Variants in PLXND1 observed in about 807,000 individuals in gnomAD.
PLXND1 encodes plexin-D1.
A neutral mutation model predicts 197.7 loss-of-function variants in PLXND1; 54 were observed. The observed-to-expected ratio is 0.27, with a 90% CI of 0.22 to 0.34. PLXND1 has a LOEUF of 0.34. Among genes scored for constraint, PLXND1 ranks in the 10% least tolerant of loss-of-function variants. The pLI, the probability that PLXND1 is intolerant of heterozygous loss-of-function variation, is 1.00. For missense variants in PLXND1, 2,127 were observed against 2,699.2 expected (o/e 0.79, Z 4.70); for synonymous variants, 1,180 against 1,161.2 (o/e 1.02, Z -0.33).
chr3:129,592,348 T>C (rs1025043954), intron 1 of PLXND1, among the ~76,000 whole-genome samples: 3 of 152,234 alleles, frequency 2.0e-5, no homozygotes, highest in Non-Finnish European at 4.4e-5. Context: ...ACTAAGTAAC[T>C]TTTTTCACTG....
chr3:129,565,422 T>C lies in PLXND1; in HGVS notation c.4439A>G (p.Lys1480Arg). 1 of 1,614,080 alleles carries C rather than the reference T, an allele frequency of 6.2e-7. No homozygotes were observed. Among genetic ancestry groups the C allele is most frequent in the Non-Finnish European group, 8.5e-7 (1 of 1,180,012 alleles). ...LIDASAAKNP[K>R]LMLRRTESVV... Reference sequence around the variant, plus strand: ...AGACTCTGTGCGCCGCAGCATGAGCTTGGGGTTCTTGGCGGCCGAGGCGTC... The same window carrying C: ...AGACTCTGTGCGCCGCAGCATGAGCCTGGGGTTCTTGGCGGCCGAGGCGTC... Residue 1480 changes from lysine (K) to arginine (R), a missense_variant, in exon 25 of 36, where the codon AAG becomes AGG. By Grantham distance (26) the Lys-to-Arg change is conservative. Transcript: ENST00000324093.
At position 129,571,057 on chromosome 3, in the gene PLXND1, G is replaced by C; in HGVS notation, c.3583C>G (p.Leu1195Val). The C allele has an allele frequency of 6.8e-6, 11 of 1,614,070 alleles. No individual in the cohort carries two copies. The highest frequency in any genetic ancestry group is 9.3e-6 in the Non-Finnish European group (11 of 1,179,920). The change falls in exon 18 of 36, where the codon CTC (leucine) becomes GTC (valine). Residue 1195 changes from leucine to valine, a missense_variant. Physicochemically the swap from Leu to Val is conservative, Grantham distance 32 (BLOSUM62 1). This residue lies in a region of PLXND1 where 532 missense variants were observed against 811.0 expected (regional missense o/e 0.66). Transcript: ENST00000324093. ...GTGCTCACGTGGATAACGAGGGTGAGAGGCTCCCCGGGGTGGTGCTTGATC... is the reference window on the plus strand; with the variant it reads ...GTGCTCACGTGGATAACGAGGGTGACAGGCTCCCCGGGGTGGTGCTTGATC... The part of the protein sequence containing the change: ...KWIKHHPGEP[L>V]TLVIHKEQDS...
rs1445806039 is a variant in PLXND1, at chr3:129,567,597, A to G, written c.3981T>C (p.Ala1327=). Residue 1327 remains alanine, a synonymous_variant, in exon 22 of 36, where the codon GCT becomes GCC. Transcript: ENST00000324093. ...GATCTGTCATGTCTGTCTGCAGCTC[A>G]GCGAAGCCTGGCGGACACACGGACA... ...QIREEIRKGF[A]ELQTDMTDLT... 1 of 1,610,766 alleles carries G rather than the reference A, an allele frequency of 6.2e-7. No homozygotes were observed. Among genetic ancestry groups the G allele is most frequent in the South Asian group, 1.1e-5 (1 of 90,666 alleles).
chr3:129,592,463 C>T (rs914169589), intron 1 of PLXND1, among the ~76,000 whole-genome samples: 4 of 152,252 alleles, frequency 2.6e-5, no homozygotes, highest in African/African-American at 9.6e-5. Context: ...CCTGGGAGGC[C>T]CCAGATGACA....
chr3:129,573,106 G>T, intron 13 of PLXND1, 165 bp from the exon 14 acceptor site: 1 of 610,118 alleles, frequency 1.6e-6, no homozygotes, highest in Non-Finnish European at 2.9e-6. Flanking sequence ...AGACACGGGG[G>T]TGGGACAAAA....
rs910538669 is a variant in PLXND1, at chr3:129,605,999, G to C, written c.641C>G (p.Thr214Ser). 3 of 1,610,320 alleles carry C rather than the reference G, an allele frequency of 1.9e-6. No homozygotes were observed. Among genetic ancestry groups the C allele is most frequent in the Non-Finnish European group, 2.5e-6 (3 of 1,179,440 alleles). Residue 214 changes from threonine to serine, a missense_variant, in exon 1 of 36, where the codon ACC becomes AGC. Coordinates refer to ENST00000324093, the MANE Select transcript of PLXND1 (RefSeq NM_015103.3). ...GSRLLVGATY[T>S]GYGSSFFPRN... is the part of the protein sequence containing the mutation. ...CGGGAAGAAGGAGCTGCCGTAACCG[G>C]TGTACGTGGCGCCCACGAGCAGGCG... is the stretch of plus-strand genomic sequence containing the variant.
intron 1 of PLXND1, among the ~76,000 whole-genome samples, chr3:129,590,623 G>A (rs1017588881): frequency 1.3e-4 from 20 of 152,172 alleles, no homozygotes; most frequent in Non-Finnish European, 1.5e-4. Context: ...GCCCATTTTG[G>A]TAAAACTGGT....
intron 1 of PLXND1, among the ~76,000 whole-genome samples, chr3:129,599,261 G>A (rs1040997319): frequency 6.1e-4 from 93 of 152,236 alleles, no homozygotes; most frequent in African/African-American, 2.1e-3. Context: ...CGTTTCTGCC[G>A]GGCCCGATGC....
rs375568034 is a variant in PLXND1, at chr3:129,565,870, G to A, written c.4322+17C>T. On this transcript the variant is annotated intron_variant, in intron 24 of 35. Transcript: ENST00000324093. Reference sequence around the variant, plus strand: ...GGCTCCTCTTCCCTACCCCACCCCAGTCTGTCACAGCCTGACCTGTCGCGC... The same window carrying A: ...GGCTCCTCTTCCCTACCCCACCCCAATCTGTCACAGCCTGACCTGTCGCGC... The A allele has an allele frequency of 3.7e-6, 6 of 1,613,026 alleles. No homozygotes were observed. In the African/African-American group the frequency reaches 6.7e-5, roughly 18 times the overall value.
At position 129,605,284 on chromosome 3, in the gene PLXND1, C is replaced by CCCGCCG. The variant is rs3832259; in HGVS notation, c.1311+39_1311+44dup. On this transcript the variant is annotated intron_variant, in intron 1 of 35. Transcript: ENST00000324093. ...GTTCCCGCCCGCCCCCGCCCCCGCC[C>CCCGCCG]CCGCCGCCGCCGCCGCCGCCGCCGC... The CCCGCCG allele has an allele frequency of 4.1e-4, 324 of 783,982 alleles. 2 individuals are homozygous for CCCGCCG. Among genetic ancestry groups the CCCGCCG allele is most frequent in the East Asian group, 3.8e-3 (95 of 24,998 alleles). The allele number at this position is 783,982 out of a possible 1,614,324, so 48.6% of individuals were successfully genotyped here.
At chr3:129,569,807 T>A in intron 20 of PLXND1, 36 bp downstream of exon 20, 1 of 1,226,802 alleles carries the variant, frequency 8.2e-7, no homozygotes. Context: ...GTGGCAAGCC[T>A]GCCCTCCAAG....
intron 27 of PLXND1, 67 bp downstream of exon 27, chr3:129,562,720 C>T (rs1025658098): frequency 3.4e-5 from 50 of 1,457,588 alleles, no homozygotes; most frequent in South Asian, 3.0e-4. Context: ...GAGTGTTTCC[C>T]GTCAAGGCAG....
intron 19 of PLXND1, among the ~76,000 whole-genome samples, chr3:129,570,402 G>C (rs2085206488): frequency 6.6e-6 from 1 of 151,432 alleles, no homozygotes; most frequent in Non-Finnish European, 1.5e-5. Flanking sequence ...ACGCTGCTTG[G>C]GAGAGAGTGA....
chr3:129,571,759 C>G lies in PLXND1; in HGVS notation c.3163G>C (p.Gly1055Arg), dbSNP rs1391429645. 6.2e-7 allele frequency: 1 copy of G among 1,613,376 alleles called. No homozygotes were observed. The highest frequency in any genetic ancestry group is 1.3e-5 in the African/African-American group (1 of 75,020). ...AAGGTGAGGTTGCCGTGCACGCAGC[C>G]CCGACGCTCGAAGCGCACACACACA... The part of the protein sequence containing the change: ...VPVCVRFERR[G>R]CVHGNLTFWY... Residue 1055 changes from glycine (G) to arginine (R), a missense_variant, in exon 16 of 36, where the codon GGC becomes CGC. Gly to Arg is a moderately radical substitution (Grantham distance 125, BLOSUM62 -2). This residue lies in a region of PLXND1 where 1,095 missense variants were observed against 1,259.8 expected (regional missense o/e 0.87). Transcript: ENST00000324093.
chr3:129,603,889 G>A (rs2085745970), intron 1 of PLXND1, among the ~76,000 whole-genome samples: 2 of 152,174 alleles, frequency 1.3e-5, no homozygotes, highest in Non-Finnish European at 2.9e-5. Context: ...CTAAGGGAAT[G>A]GCAGGCAGTG....
chr3:129,597,485 C>A (rs987191800), intron 1 of PLXND1, among the ~76,000 whole-genome samples: 1 of 151,326 alleles, frequency 6.6e-6, no homozygotes. Context: ...GCCTGCGGGC[C>A]CCCCCCCATT....
chr3:129,581,969 T>C (rs1438195598), intron 8 of PLXND1, among the ~76,000 whole-genome samples: 2 of 152,296 alleles, frequency 1.3e-5, no homozygotes, highest in East Asian at 3.9e-4. Flanking sequence ...AGAGACGTGA[T>C]TGAGATGGGG....
rs137961609 is a variant in PLXND1 at position 129,592,959 on chromosome 3, G to A, written c.1312-3432C>T. Among the ~76,000 whole-genome samples, 115 of 152,266 alleles carry A rather than the reference G, an allele frequency of 7.6e-4. 2 individuals carry two copies. The East Asian group carries it at 0.017, about 23-fold the overall frequency. ...AGCATGCTGGCCTCGGCTGAACTTG[G>A]TCTCCAGGGACAGTTAGCCTCACAG... On this transcript the variant is annotated intron_variant, in intron 1 of 35. Transcript: ENST00000324093.
chr3:129,588,134 G>C (rs1020091402), intron 2 of PLXND1, among the ~76,000 whole-genome samples: 12 of 152,230 alleles, frequency 7.9e-5, no homozygotes, highest in Admixed American at 7.8e-4. Context: ...GTGCAGGGTG[G>C]TAGGTGAGGG....
Sources: gnomAD v4.1 joint callset for allele counts (sites outside exome capture counted in the v4.1 genomes callset) on GRCh38, gnomAD v4.1.1 for gene constraint, gnomAD v4.1.1 regional missense constraint, MANE v1.5 for transcripts, NCBI Gene and HGNC (gene_info 2026-07-23, HGNC 2026-07-21) for gene names.